The following MALRD1 variants were observed in gnomAD, a reference collection of about 807,000 sequenced individuals.
MALRD1 encodes MAM and LDL-receptor class A domain-containing protein 1.
Under a neutral mutation model 242.1 loss-of-function variants are expected in MALRD1, and 247 were observed. That is an observed-to-expected ratio of 1.02 (90% CI 0.92 to 1.13). The LOEUF (loss-of-function observed/expected upper bound fraction) is 1.13, where lower values mean the gene tolerates loss of function less well. MALRD1 is among the 50% of genes most tolerant of loss of function. The pLI is 0.00. For synonymous variants in MALRD1, 995 were observed against 866.6 expected (o/e 1.15, Z -2.60); for missense variants, 2,989 against 2,533.1 (o/e 1.18, Z -3.86).
At chr10:19,715,161 T>A (rs1190042795) in intron 38 of MALRD1, among the ~76,000 whole-genome samples, 1 of 152,078 alleles carries the variant, frequency 6.6e-6, no homozygotes, top group East Asian at 1.9e-4. Flanking sequence ...TGCTCCTTAT[T>A]TCCCTATACT....
At chr10:19,050,931 C>T in intron 1 of MALRD1, among the ~76,000 whole-genome samples, 1 of 152,168 alleles carries the variant, frequency 6.6e-6, no homozygotes, top group Non-Finnish European at 1.5e-5. Flanking sequence ...AAGGTCTTGG[C>T]TGCATGAAAA....
rs1342286357 is a variant in MALRD1 at position 19,238,490 on chromosome 10, TAATA to T, written c.2992-19193_2992-19190del. On this transcript the variant is annotated intron_variant, in intron 18 of 39. Coordinates refer to ENST00000454679, the MANE Select transcript of MALRD1 (RefSeq NM_001142308.3). ...TATAATATATAATATACATTATATATAATATATAATATAATATATAATGTATATT... is the reference window on the plus strand; with the variant it reads ...TATAATATATAATATACATTATATATTATAATATAATATATAATGTATATT... Among the ~76,000 whole-genome samples the T allele has an allele frequency of 4.3e-3, 41 of 9,500 alleles. 2 individuals carry two copies. Among genetic ancestry groups the T allele is most frequent in the Non-Finnish European group, 2.2e-3 (13 of 5,910 alleles). The allele number at this position is 9,500 out of a possible 152,430, so 6.2% of individuals were successfully genotyped here. A position where few individuals can be genotyped will look rare whatever the true frequency, so the allele number is the denominator to read the frequency against.
intron 29 of MALRD1, among the ~76,000 whole-genome samples, chr10:19,469,760 A>T (rs1836402992): frequency 6.6e-6 from 1 of 152,048 alleles, no homozygotes; most frequent in South Asian, 2.1e-4. Flanking sequence ...ATAATCAAAA[A>T]TTGTTATTCG....
intron 14 of MALRD1, among the ~76,000 whole-genome samples, chr10:19,203,394 A>C (rs1428122441): frequency 1.3e-5 from 2 of 152,298 alleles, no homozygotes; most frequent in Non-Finnish European, 2.9e-5. Context: ...CTGATGTAAC[A>C]GTAGCAGGGA....
At chr10:19,284,525 G>C (rs1231219047) in intron 21 of MALRD1, among the ~76,000 whole-genome samples, 35 of 150,368 alleles carry the variant, frequency 2.3e-4, no homozygotes, top group African/African-American at 8.3e-4. Flanking sequence ...TCTTGCGATA[G>C]TTTACTGAGA....
chr10:19,157,982 A>T (rs983691358), intron 12 of MALRD1, among the ~76,000 whole-genome samples: 19 of 152,216 alleles, frequency 1.2e-4, no homozygotes, highest in African/African-American at 4.3e-4. Flanking sequence ...ATTGTTCAAG[A>T]TGCAGACTTT....
chr10:19,595,325 T>A lies in MALRD1; in HGVS notation c.5812T>A (p.Cys1938Ser), dbSNP rs1451672930. 6 of 1,550,662 alleles carry A rather than the reference T, an allele frequency of 3.9e-6. No homozygotes were observed. The highest frequency in any genetic ancestry group is 1.4e-5 in the African/African-American group (1 of 72,996). The change falls in exon 34 of 40, where the codon TGT (cysteine) becomes AGT (serine). Residue 1938 changes from cysteine to serine, a missense_variant. By Grantham distance (112) the Cys-to-Ser change is moderately radical. Coordinates refer to ENST00000454679, the MANE Select transcript of MALRD1 (RefSeq NM_001142308.3). ...CATAGATGGATCTGATGAAATGGAT[T>A]GTCCTCTCAGCCCCACCCCTCCACT... ...DCIDGSDEMD[C>S]PLSPTPPLCS...
intron 5 of MALRD1, among the ~76,000 whole-genome samples, chr10:19,117,694 G>A (rs1836920414): frequency 6.6e-6 from 1 of 152,108 alleles, no homozygotes; most frequent in Non-Finnish European, 1.5e-5. Context: ...ACATTCAAGA[G>A]GATTTGCATA....
At chr10:19,636,504 C>T (rs1840130485) in intron 36 of MALRD1, among the ~76,000 whole-genome samples, 1 of 152,128 alleles carries the variant, frequency 6.6e-6, no homozygotes, top group South Asian at 2.1e-4. Flanking sequence ...AAAAATTCCT[C>T]ATGAACTTAA....
At chr10:19,662,430 A>T (rs1221324011) in intron 36 of MALRD1, among the ~76,000 whole-genome samples, 1 of 152,146 alleles carries the variant, frequency 6.6e-6, no homozygotes, top group Non-Finnish European at 1.5e-5. Context: ...TCATTCTTTT[A>T]TTCACCATTT....
At chr10:19,495,034 T>C (rs1837650247) in intron 30 of MALRD1, among the ~76,000 whole-genome samples, 1 of 151,800 alleles carries the variant, frequency 6.6e-6, no homozygotes. Flanking sequence ...TGGAGTGAAG[T>C]GGCATAATCT....
chr10:19,333,765 C>T (rs978411134), intron 24 of MALRD1, among the ~76,000 whole-genome samples: 3 of 152,070 alleles, frequency 2.0e-5, no homozygotes, highest in African/African-American at 7.2e-5. Context: ...TTCCCACCAG[C>T]AGTGTGTAAG....
At chr10:19,281,216 C>A (rs1324791578) in intron 20 of MALRD1, among the ~76,000 whole-genome samples, 5 of 152,116 alleles carry the variant, frequency 3.3e-5, no homozygotes, top group African/African-American at 1.2e-4. Flanking sequence ...CTCAAGCTAG[C>A]CAGGGATTTA....
intron 26 of MALRD1, among the ~76,000 whole-genome samples, chr10:19,382,108 A>G (rs1845862372): frequency 6.6e-6 from 1 of 152,184 alleles, no homozygotes; most frequent in Non-Finnish European, 1.5e-5. Context: ...CTGTTCTCTT[A>G]AACGCTGCCT....
chr10:19,730,338 C>A (rs1835237799), intron 38 of MALRD1, among the ~76,000 whole-genome samples: 1 of 152,114 alleles, frequency 6.6e-6, no homozygotes, highest in African/African-American at 2.4e-5. Context: ...TTCAAGATGG[C>A]CTTTCTTTAT....
intron 28 of MALRD1, among the ~76,000 whole-genome samples, chr10:19,392,741 T>C (rs914789270): frequency 6.6e-6 from 1 of 152,196 alleles, no homozygotes; most frequent in African/African-American, 2.4e-5. Flanking sequence ...AATTTTTTCA[T>C]TTTCTTGAAG....
At chr10:19,417,444 CTTG>C (rs1833553441) in intron 28 of MALRD1, among the ~76,000 whole-genome samples, 1 of 152,074 alleles carries the variant, frequency 6.6e-6, no homozygotes, top group Non-Finnish European at 1.5e-5. Context: ...TATTTTTCAA[CTTG>C]TTATGACATA....
At chr10:19,110,364 C>T (rs561066420) in intron 5 of MALRD1, among the ~76,000 whole-genome samples, 1 of 152,226 alleles carries the variant, frequency 6.6e-6, no homozygotes, top group East Asian at 1.9e-4. Context: ...GTAAAGTTCT[C>T]GTTTGCTTTT....
intron 19 of MALRD1, among the ~76,000 whole-genome samples, chr10:19,258,292 C>G (rs1021891272): frequency 2.0e-5 from 3 of 152,054 alleles, no homozygotes; most frequent in Non-Finnish European, 4.4e-5. Flanking sequence ...ACTACCTACT[C>G]AACAGCTTAA....
Sources: allele counts gnomAD v4.1 joint callset (sites outside exome capture counted in the v4.1 genomes callset), GRCh38; gene constraint gnomAD v4.1.1; transcripts MANE v1.5; gene names NCBI Gene and HGNC (gene_info 2026-07-23, HGNC 2026-07-21).